SLC39A11: variants seen among roughly 807,000 people sequenced by gnomAD.
SLC39A11 encodes the protein zinc transporter ZIP11.
Under a neutral mutation model 36.1 loss-of-function variants are expected in SLC39A11, and 33 were observed. That is an observed-to-expected ratio of 0.91 (90% CI 0.69 to 1.22). The LOEUF (loss-of-function observed/expected upper bound fraction) is 1.22. Among genes scored for constraint, SLC39A11 ranks in the 50% most tolerant of loss-of-function variants. The pLI is 0.00. For missense variants in SLC39A11, 432 were observed against 430.3 expected, an observed-to-expected ratio of 1.00 and a Z score of -0.03; for synonymous variants, 166 against 170.3, an observed-to-expected ratio of 0.97 and a Z score of 0.20.
chr17:73,038,242 C>T (rs4246435), intron 3 of SLC39A11, among the ~76,000 whole-genome samples: 1 of 151,940 alleles, frequency 6.6e-6, no homozygotes, highest in African/African-American at 2.4e-5. Context: ...ACAAACAAAC[C>T]AACAAAAACA....
At chr17:73,062,977 A>T (rs567738762) in intron 3 of SLC39A11, among the ~76,000 whole-genome samples, 5 of 152,034 alleles carry the variant, frequency 3.3e-5, no homozygotes, top group African/African-American at 1.2e-4. Context: ...CCCGCCACTC[A>T]CCTCCTGCTG....
At chr17:72,981,984 T>C (rs2148183769) in intron 4 of SLC39A11, among the ~76,000 whole-genome samples, 1 of 152,274 alleles carries the variant, frequency 6.6e-6, no homozygotes, top group East Asian at 1.9e-4. Flanking sequence ...GGCACACATC[T>C]GTAATCCCAG....
At chr17:72,743,205 A>G (rs1295631524) in intron 6 of SLC39A11, among the ~76,000 whole-genome samples, 4 of 152,082 alleles carry the variant, frequency 2.6e-5, no homozygotes, top group African/African-American at 9.7e-5. Context: ...GGGGGGCTAG[A>G]GCTGGGCCGT....
chr17:72,982,007 C>T (rs1454592309), intron 4 of SLC39A11, among the ~76,000 whole-genome samples: 5 of 152,052 alleles, frequency 3.3e-5, no homozygotes, highest in African/African-American at 1.2e-4. Flanking sequence ...ACTTGGGAGG[C>T]CAAGGCAAGA....
chr17:73,039,568 G>A (rs958506272), intron 3 of SLC39A11, among the ~76,000 whole-genome samples: 5 of 152,052 alleles, frequency 3.3e-5, no homozygotes, highest in African/African-American at 9.7e-5. Context: ...CCATTTTTTG[G>A]TCTAATGCCT....
intron 6 of SLC39A11, among the ~76,000 whole-genome samples, chr17:72,754,033 T>C (rs60117003): frequency 1.6e-4 from 19 of 116,848 alleles, no homozygotes; most frequent in African/African-American, 5.5e-4. Flanking sequence ...TATATATATA[T>C]ATATATATAT....
intron 3 of SLC39A11, among the ~76,000 whole-genome samples, chr17:73,037,067 T>C (rs1051229748): frequency 7.2e-5 from 11 of 152,226 alleles, no homozygotes; most frequent in African/African-American, 2.7e-4. Context: ...GATAAAGCAT[T>C]TCCTTTTAGC....
At chr17:72,995,544 GATGGCCCTCCCAGC>G (rs1461966716) in intron 4 of SLC39A11, among the ~76,000 whole-genome samples, 1 of 152,238 alleles carries the variant, frequency 6.6e-6, no homozygotes, top group African/African-American at 2.4e-5. Context: ...GAGTAAGGCA[GATGGCCCTCCCAGC>G]ATGGGTGAGT....
intron 7 of SLC39A11, among the ~76,000 whole-genome samples, chr17:72,666,058 A>G (rs1466419441): frequency 6.6e-6 from 1 of 152,134 alleles, no homozygotes; most frequent in Non-Finnish European, 1.5e-5. Context: ...GCTGCGTGTA[A>G]TCAATCAGCA....
At chr17:72,752,541 C>T (rs545492808) in intron 6 of SLC39A11, among the ~76,000 whole-genome samples, 17 of 152,258 alleles carry the variant, frequency 1.1e-4, no homozygotes, top group African/African-American at 3.4e-4. Flanking sequence ...CCACCACGCC[C>T]GGGCCTTAGT....
At chr17:72,954,862 G>T (rs774929639) in intron 4 of SLC39A11, among the ~76,000 whole-genome samples, 1 of 152,208 alleles carries the variant, frequency 6.6e-6, no homozygotes, top group Non-Finnish European at 1.5e-5. Flanking sequence ...CACAGACACT[G>T]AGGCAGAGGG....
chr17:72,906,786 C>T (rs1476931062), intron 5 of SLC39A11, among the ~76,000 whole-genome samples: 1 of 152,226 alleles, frequency 6.6e-6, no homozygotes, highest in East Asian at 1.9e-4. Context: ...GGACAGCAAA[C>T]TTCATAGATC....
At chr17:72,706,997 G>A (rs139261726) in intron 7 of SLC39A11, among the ~76,000 whole-genome samples, 129 of 152,322 alleles carry the variant, frequency 8.5e-4, no homozygotes, top group African/African-American at 2.1e-3. Flanking sequence ...ATGTGTGGCC[G>A]TTGAGCACCT....
intron 5 of SLC39A11, among the ~76,000 whole-genome samples, chr17:72,890,251 T>A (rs1225863536): frequency 6.8e-6 from 1 of 146,602 alleles, no homozygotes; most frequent in African/African-American, 2.5e-5. Flanking sequence ...GGTGACAGAG[T>A]GAGACTCCAT....
chr17:72,787,233 T>C (rs895137540), intron 6 of SLC39A11, among the ~76,000 whole-genome samples: 6 of 150,546 alleles, frequency 4.0e-5, no homozygotes, highest in Admixed American at 6.6e-5. Context: ...ATTTGTCACT[T>C]TGACTGCTAT....
chr17:72,713,285 C>T (rs1451687586), intron 7 of SLC39A11, among the ~76,000 whole-genome samples: 6 of 152,122 alleles, frequency 3.9e-5, no homozygotes, highest in Non-Finnish European at 7.4e-5. Context: ...GAGGTGGGAG[C>T]CAAGCACAGG....
chr17:73,074,715 G>C (rs2060267218), intron 3 of SLC39A11, among the ~76,000 whole-genome samples: 1 of 152,148 alleles, frequency 6.6e-6, no homozygotes, highest in Admixed American at 6.5e-5. Flanking sequence ...ACTTCCAACA[G>C]TGAGCCAGTT....
chr17:72,855,109 CGCCTTTGAAAGTACG>C (rs1383005366), intron 5 of SLC39A11, among the ~76,000 whole-genome samples: 1 of 152,166 alleles, frequency 6.6e-6, no homozygotes, highest in Admixed American at 6.5e-5. Context: ...GATCAGCAAC[CGCCTTTGAAAGTACG>C]GCGAAAGTTA....
chr17:72,769,934 G>A (rs968514762), intron 6 of SLC39A11, among the ~76,000 whole-genome samples: 1 of 152,114 alleles, frequency 6.6e-6, no homozygotes, highest in African/African-American at 2.4e-5. Context: ...AGCTCCCCCT[G>A]GCTTCCAGTC....
Sources: gnomAD v4.1 joint callset for allele counts (sites outside exome capture counted in the v4.1 genomes callset) on GRCh38, gnomAD v4.1.1 for gene constraint, MANE v1.5 for transcripts, NCBI Gene and HGNC (gene_info 2026-07-23, HGNC 2026-07-21) for gene names.